RARB: variants seen among roughly 807,000 people sequenced by gnomAD.
RARB encodes HBV-activated protein.
In RARB, 17 loss-of-function variants were observed where a neutral mutation model predicts 51.9. The observed-to-expected ratio is 0.33, with a 90% CI of 0.22 to 0.49. The LOEUF is 0.49. RARB is among the 20% of genes least tolerant of loss of function. The pLI is 0.99. For missense variants in RARB, 369 were observed against 550.8 expected (o/e 0.67, Z 3.30); for synonymous variants, 215 against 195.4 (o/e 1.10, Z -0.84).
At chr3:25,298,290 C>T (rs1171180743) in intron 5 of RARB, among the ~76,000 whole-genome samples, 1 of 151,246 alleles carries the variant, frequency 6.6e-6, no homozygotes, top group Non-Finnish European at 1.5e-5. Context: ...TCATGCAATT[C>T]TCCTGCCTCA....
chr3:25,010,507 G>A (rs993926443), intron 2 of RARB, among the ~76,000 whole-genome samples: 6 of 152,068 alleles, frequency 3.9e-5, no homozygotes, highest in Non-Finnish European at 7.4e-5. Context: ...TTAAATCTGT[G>A]TTTGCTACTG....
chr3:25,509,779 A>G (rs1456483624), intron 3 of RARB, among the ~76,000 whole-genome samples: 5 of 152,152 alleles, frequency 3.3e-5, no homozygotes, highest in Non-Finnish European at 7.3e-5. Flanking sequence ...GTCTTCCAGC[A>G]GTGCTGAGCC....
At chr3:25,175,875 C>A (rs879300940) in intron 5 of RARB, among the ~76,000 whole-genome samples, 1 of 152,128 alleles carries the variant, frequency 6.6e-6, no homozygotes, top group African/African-American at 2.4e-5. Flanking sequence ...GCCAAAGCGG[C>A]GTATTGACTA....
At chr3:25,222,580 C>G (rs1315526764) in intron 5 of RARB, among the ~76,000 whole-genome samples, 1 of 151,882 alleles carries the variant, frequency 6.6e-6, no homozygotes, top group African/African-American at 2.4e-5. Flanking sequence ...AAAAACAAGG[C>G]TAATAGAGTT....
At chr3:25,508,195 G>A (rs751965054) in intron 3 of RARB, among the ~76,000 whole-genome samples, 9 of 152,174 alleles carry the variant, frequency 5.9e-5, no homozygotes, top group Non-Finnish European at 1.0e-4. Context: ...AAGTCCCTAA[G>A]CACTCATTGA....
intron 2 of RARB, among the ~76,000 whole-genome samples, chr3:25,026,182 A>C (rs1438165144): frequency 6.6e-6 from 1 of 152,232 alleles, no homozygotes; most frequent in Admixed American, 6.5e-5. Context: ...AAAGGGGCTG[A>C]GAAAACCTAG....
At chr3:25,099,713 T>G (rs1415401091) in intron 3 of RARB, among the ~76,000 whole-genome samples, 1 of 152,058 alleles carries the variant, frequency 6.6e-6, no homozygotes, top group Admixed American at 6.6e-5. Context: ...GGAAGGTCAC[T>G]GGAGTCCTTC....
intron 3 of RARB, among the ~76,000 whole-genome samples, chr3:25,504,281 CA>C (rs1334287643): frequency 6.6e-6 from 1 of 152,178 alleles, no homozygotes; most frequent in Non-Finnish European, 1.5e-5. Context: ...CCATGTCTAA[CA>C]AAGAAGGGCA....
chr3:25,574,127 A>G (rs1389949743), intron 4 of RARB, among the ~76,000 whole-genome samples: 2 of 152,174 alleles, frequency 1.3e-5, no homozygotes. Flanking sequence ...TCAGGACTGA[A>G]CCAGAGGTAA....
intron 5 of RARB, among the ~76,000 whole-genome samples, chr3:25,274,841 G>A (rs778830911): frequency 2.0e-5 from 3 of 152,046 alleles, no homozygotes; most frequent in Non-Finnish European, 4.4e-5. Context: ...GGTCGGGACT[G>A]GCAGACTGAC....
At chr3:25,502,381 C>G (rs1415859061) in intron 3 of RARB, among the ~76,000 whole-genome samples, 5 of 152,262 alleles carry the variant, frequency 3.3e-5, no homozygotes, top group Non-Finnish European at 5.9e-5. Flanking sequence ...GCCCCTGTAG[C>G]CAACCAGAGG....
intron 3 of RARB, among the ~76,000 whole-genome samples, chr3:25,060,891 CTT>C (rs1037662484): frequency 2.0e-5 from 3 of 151,788 alleles, no homozygotes; most frequent in African/African-American, 7.2e-5. Flanking sequence ...TAAGAAAAGA[CTT>C]TTTCTTTTGG....
chr3:24,934,939 A>G (rs1230607059), intron 2 of RARB, among the ~76,000 whole-genome samples: 1 of 152,158 alleles, frequency 6.6e-6, no homozygotes, highest in Non-Finnish European at 1.5e-5. Flanking sequence ...TGGGGATGTG[A>G]CAGAAATAGC....
intron 1 of RARB, among the ~76,000 whole-genome samples, chr3:25,458,034 G>A (rs112383373): frequency 0.056 from 8,418 of 151,592 alleles, 345 homozygotes; most frequent in Admixed American, 0.12. Flanking sequence ...GGTCACTTAC[G>A]TTGATATCAG....
chr3:24,977,435 G>A (rs924513431), intron 2 of RARB, among the ~76,000 whole-genome samples: 14 of 151,920 alleles, frequency 9.2e-5, no homozygotes, highest in African/African-American at 1.4e-4. Context: ...CTTTTATTTC[G>A]TTGAGCAGTG....
rs545487037 is a variant in RARB at position 25,060,736 on chromosome 3, T to C, written c.-328+560T>C. 3.3e-5 allele frequency among the ~76,000 whole-genome samples: 5 copies of C among 152,028 alleles called. No individual in the cohort carries two copies. The South Asian group carries it at 8.3e-4, about 25-fold the overall frequency. On this transcript the variant is annotated intron_variant, in intron 3 of 11. Transcript: ENST00000383772. ...ATGGGAGTAGATGGCAGAAACTGAATTGGAGTTTCCAGTGTTAGCCATGAC... is the reference window on the plus strand; with the variant it reads ...ATGGGAGTAGATGGCAGAAACTGAACTGGAGTTTCCAGTGTTAGCCATGAC...
chr3:25,240,941 T>C (rs1010622783), intron 5 of RARB, among the ~76,000 whole-genome samples: 5 of 152,188 alleles, frequency 3.3e-5, no homozygotes, highest in Admixed American at 3.3e-4. Flanking sequence ...AATTTGACAA[T>C]GAAGCCATTT....
intron 2 of RARB, among the ~76,000 whole-genome samples, chr3:25,034,877 T>C (rs898784548): frequency 6.6e-6 from 1 of 152,214 alleles, no homozygotes; most frequent in African/African-American, 2.4e-5. Context: ...CATTTCCATG[T>C]GGCAACTGCA....
intron 2 of RARB, among the ~76,000 whole-genome samples, chr3:25,474,549 A>G (rs1467498412): frequency 6.6e-6 from 1 of 152,158 alleles, no homozygotes; most frequent in Non-Finnish European, 1.5e-5. Flanking sequence ...TTACAGTCCC[A>G]ACACTTGCTA....
Sources: allele counts gnomAD v4.1 joint callset (sites outside exome capture counted in the v4.1 genomes callset), GRCh38; gene constraint gnomAD v4.1.1; transcripts MANE v1.5; gene names NCBI Gene and HGNC (gene_info 2026-07-23, HGNC 2026-07-21).